Variants in DOCK4 observed in about 807,000 individuals in gnomAD.
DOCK4 encodes the protein dedicator of cytokinesis protein 4.
A neutral mutation model predicts 268.1 loss-of-function variants in DOCK4; 97 were observed. The observed-to-expected ratio is 0.36, with a 90% confidence interval of 0.31 to 0.43. The LOEUF (loss-of-function observed/expected upper bound fraction) is 0.43. Ranked by LOEUF, DOCK4 falls within the 20% of genes least tolerant of loss-of-function variation. The probability of loss-of-function intolerance (pLI) is 1.00; values close to 1 mark genes in which losing one functional copy is unlikely to be tolerated. For missense variants in DOCK4, 2,145 were observed against 2,455.7 expected (o/e 0.87, Z 2.67); for synonymous variants, 954 against 887.2 (o/e 1.08, Z -1.34).
chr7:111,841,683 A>G (rs1386799103), intron 25 of DOCK4, among the ~76,000 whole-genome samples: 1 of 152,174 alleles, frequency 6.6e-6, no homozygotes, highest in Non-Finnish European at 1.5e-5. Flanking sequence ...CTCACACAGC[A>G]AGGGGTACCA....
rs1804159674 is a variant in DOCK4 at position 111,847,003 on chromosome 7, C to A, written c.2597G>T (p.Ser866Ile). Residue 866 changes from serine to isoleucine, a missense_variant, in exon 24 of 53, where the codon AGC becomes ATC. Transcript: ENST00000428084. ...CTATGACCTGTATTTACTTACTGAG[C>A]TATTTTTCTTGATAAGACAAAATAC... The part of the protein sequence containing the change: ...SNVFCLIKKN[S>I]SEKSVLEEID... The A allele has an allele frequency of 6.2e-7, 1 of 1,613,406 alleles. No homozygotes were observed. The highest frequency in any genetic ancestry group is 1.3e-5 in the African/African-American group (1 of 74,918).
chr7:111,812,298 G>T (rs1801195274), intron 27 of DOCK4, among the ~76,000 whole-genome samples: 1 of 152,040 alleles, frequency 6.6e-6, no homozygotes, highest in Non-Finnish European at 1.5e-5. Flanking sequence ...TTCTGTTTTT[G>T]AGACAGGGTC....
At chr7:112,020,264 C>T (rs549337136) in intron 1 of DOCK4, among the ~76,000 whole-genome samples, 1 of 152,252 alleles carries the variant, frequency 6.6e-6, no homozygotes, top group African/African-American at 2.4e-5. Flanking sequence ...ATCACCCTGT[C>T]AGTTTTCCAA....
At chr7:112,168,134 T>C (rs992476616) in intron 1 of DOCK4, among the ~76,000 whole-genome samples, 2 of 152,154 alleles carry the variant, frequency 1.3e-5, no homozygotes, top group Non-Finnish European at 2.9e-5. Flanking sequence ...ACTTAACTAG[T>C]AAAAATCAGG....
At chr7:111,784,192 G>A (rs1299683305) in intron 32 of DOCK4, 69 bp from the exon 33 acceptor site, 2 of 1,457,974 alleles carry the variant, frequency 1.4e-6, no homozygotes, top group African/African-American at 1.4e-5. Context: ...ACAAACACAT[G>A]CATATAATCA....
chr7:111,924,093 AT>A (rs376988304), intron 12 of DOCK4, among the ~76,000 whole-genome samples: 22 of 152,184 alleles, frequency 1.4e-4, no homozygotes, highest in African/African-American at 5.3e-4. Context: ...ATCTCGTTCC[AT>A]TTTTTTATGA....
At chr7:112,164,541 C>T (rs557791710) in intron 1 of DOCK4, among the ~76,000 whole-genome samples, 11 of 152,276 alleles carry the variant, frequency 7.2e-5, no homozygotes, top group Admixed American at 6.5e-4. Context: ...GTATGTACTG[C>T]TTCATTTATA....
chr7:112,184,442 G>T (rs1261619155), intron 1 of DOCK4, among the ~76,000 whole-genome samples: 2 of 152,202 alleles, frequency 1.3e-5, no homozygotes, highest in African/African-American at 4.8e-5. Context: ...TCACCCAGGG[G>T]CATTACAGTT....
At chr7:112,128,652 A>C (rs1249619058) in intron 1 of DOCK4, among the ~76,000 whole-genome samples, 3 of 152,090 alleles carry the variant, frequency 2.0e-5, no homozygotes, top group African/African-American at 4.8e-5. Flanking sequence ...TCCTCTGTCC[A>C]CTCAGGGTTA....
At chr7:112,082,624 C>T (rs1458711756) in intron 1 of DOCK4, among the ~76,000 whole-genome samples, 4 of 152,056 alleles carry the variant, frequency 2.6e-5, no homozygotes, top group Admixed American at 6.6e-5. Flanking sequence ...ATTAAACCCT[C>T]GACTAAAGGA....
At chr7:111,859,561 A>AT (rs1491585663) in intron 23 of DOCK4, among the ~76,000 whole-genome samples, 1 of 132,768 alleles carries the variant, frequency 7.5e-6, no homozygotes, top group East Asian at 2.2e-4. Context: ...CGTGTGTGTT[A>AT]ATTTTTTTTT....
chr7:112,123,626 A>G (rs1812948060), intron 1 of DOCK4, among the ~76,000 whole-genome samples: 1 of 152,182 alleles, frequency 6.6e-6, no homozygotes, highest in African/African-American at 2.4e-5. Context: ...AATTTTCTAA[A>G]TGAGTCTATC....
intron 25 of DOCK4, among the ~76,000 whole-genome samples, chr7:111,841,657 C>G (rs960119238): frequency 6.6e-6 from 1 of 152,060 alleles, no homozygotes; most frequent in African/African-American, 2.4e-5. Context: ...CCCCACACAC[C>G]TGGACAGTCT....
chr7:111,866,791 A>C (rs1806009326), intron 22 of DOCK4, among the ~76,000 whole-genome samples: 1 of 152,234 alleles, frequency 6.6e-6, no homozygotes, highest in Non-Finnish European at 1.5e-5. Flanking sequence ...GTAACTGATA[A>C]AGGGTAAAAA....
Position 111,971,018 on chromosome 7 carries a change from G to C in DOCK4, c.701+6114C>G, listed in dbSNP as rs1034156557. Among the ~76,000 whole-genome samples the C allele has an allele frequency of 3.3e-5, 5 of 152,292 alleles. No homozygotes were observed. In the South Asian group the frequency reaches 8.3e-4, roughly 25 times the overall value. On this transcript the variant is annotated intron_variant, in intron 8 of 52. Transcript: ENST00000428084. ...GAAATGTACTCTTCCTGGTACTAAG[G>C]AGATACTACATGCTTCATAATTCTA... is the stretch of plus-strand genomic sequence containing the variant.
At chr7:111,951,240 G>A (rs2134876725) in intron 8 of DOCK4, among the ~76,000 whole-genome samples, 1 of 152,270 alleles carries the variant, frequency 6.6e-6, no homozygotes, top group East Asian at 1.9e-4. Flanking sequence ...AAATCATAAA[G>A]GCAAATGTGT....
chr7:111,784,080 T>C lies in DOCK4; in HGVS notation c.3428+17A>G. 7 of 1,580,562 alleles carry C rather than the reference T, an allele frequency of 4.4e-6. No individual in the cohort carries two copies. Among genetic ancestry groups the C allele is most frequent in the Non-Finnish European group, 6.0e-6 (7 of 1,166,910 alleles). On this transcript the variant is annotated intron_variant, in intron 33 of 52. Coordinates refer to ENST00000428084, the MANE Select transcript of DOCK4 (RefSeq NM_001363540.2). ...GCAACATCTCACAAGTAGCACAATT[T>C]GCAAACAATGTCTTACCTAGGATAG...
intron 10 of DOCK4, 149 bp downstream of exon 10, chr7:111,944,662 C>T: frequency 1.3e-6 from 1 of 746,462 alleles, no homozygotes; most frequent in Non-Finnish European, 2.3e-6. Context: ...GGTCTGGGGA[C>T]AATTCACAAC....
At chr7:111,774,198 C>T (rs1157017652) in intron 36 of DOCK4, among the ~76,000 whole-genome samples, 1 of 152,102 alleles carries the variant, frequency 6.6e-6, no homozygotes, top group Admixed American at 6.5e-5. Context: ...GACATGGTAG[C>T]TCACTCCTAT....
Sources: gnomAD v4.1 joint callset for allele counts (sites outside exome capture counted in the v4.1 genomes callset) on GRCh38, gnomAD v4.1.1 for gene constraint, MANE v1.5 for transcripts, NCBI Gene and HGNC (gene_info 2026-07-23, HGNC 2026-07-21) for gene names.